The following RORA variants were observed in gnomAD, a reference collection of about 807,000 sequenced individuals.
RORA encodes RAR related orphan receptor A, also known as nuclear receptor ROR-alpha.
RORA carries 7 observed loss-of-function variants against 69.5 expected under a neutral mutation model. That is an observed-to-expected ratio of 0.10 (90% CI 0.06 to 0.19). RORA has a LOEUF of 0.19. Ranked by LOEUF, RORA falls within the 10% of genes least tolerant of loss-of-function variation. The pLI is 1.00. For missense variants in RORA, 457 were observed against 663.0 expected, an observed-to-expected ratio of 0.69 and a Z score of 3.41; for synonymous variants, 261 against 240.8, an observed-to-expected ratio of 1.08 and a Z score of -0.78.
intron 1 of RORA, among the ~76,000 whole-genome samples, chr15:60,752,572 G>A (rs770691031): frequency 4.1e-4 from 63 of 152,100 alleles, no homozygotes; most frequent in Non-Finnish European, 8.1e-4. Flanking sequence ...ATTTGCCGCC[G>A]AGAACAACAG....
intron 2 of RORA, among the ~76,000 whole-genome samples, chr15:60,641,653 C>T (rs7163833): frequency 0.059 from 8,976 of 152,082 alleles, 652 homozygotes; most frequent in African/African-American, 0.17. Context: ...TCAGGTGATC[C>T]GCCCGCCTCA....
intron 1 of RORA, among the ~76,000 whole-genome samples, chr15:60,850,996 A>G (rs1199561354): frequency 6.6e-6 from 1 of 152,152 alleles, no homozygotes; most frequent in Non-Finnish European, 1.5e-5. Context: ...ACCGGAGCAC[A>G]TTTCATTCAG....
intron 1 of RORA, among the ~76,000 whole-genome samples, chr15:61,035,106 G>T (rs1220192505): frequency 6.6e-6 from 1 of 152,090 alleles, no homozygotes; most frequent in African/African-American, 2.4e-5. Context: ...AATTGGGAAT[G>T]GTTTTGTTCT....
chr15:60,800,120 G>A (rs538011162), intron 1 of RORA, among the ~76,000 whole-genome samples: 18 of 152,292 alleles, frequency 1.2e-4, no homozygotes, highest in Non-Finnish European at 1.6e-4. Flanking sequence ...TACGGTGAGA[G>A]TATTTACACC....
At chr15:60,500,672 ATT>A (rs2065303681) in intron 9 of RORA, among the ~76,000 whole-genome samples, 1 of 152,138 alleles carries the variant, frequency 6.6e-6, no homozygotes, top group Non-Finnish European at 1.5e-5. Flanking sequence ...CCACCACAGC[ATT>A]TCTCTTGGTA....
At chr15:61,207,867 G>A (rs372045522) in intron 1 of RORA, among the ~76,000 whole-genome samples, 1 of 152,152 alleles carries the variant, frequency 6.6e-6, no homozygotes, top group Admixed American at 6.5e-5. Context: ...GTTCCCTAAC[G>A]CAGAAACCTT....
intron 1 of RORA, among the ~76,000 whole-genome samples, chr15:60,703,013 G>T (rs2071006474): frequency 6.6e-6 from 1 of 152,046 alleles, no homozygotes; most frequent in Admixed American, 6.6e-5. Context: ...TTTCAACAAA[G>T]AATTAATTGC....
intron 6 of RORA, 84 bp downstream of exon 6, chr15:60,505,424 T>C: frequency 7.6e-7 from 1 of 1,308,490 alleles, no homozygotes; most frequent in Non-Finnish European, 1.1e-6. Flanking sequence ...CTTTAGTCTG[T>C]GTGAACTCTT....
intron 1 of RORA, among the ~76,000 whole-genome samples, chr15:60,830,007 C>T (rs2073021113): frequency 6.6e-6 from 1 of 152,094 alleles, no homozygotes; most frequent in Non-Finnish European, 1.5e-5. Context: ...AATAAATGAA[C>T]AAACAACTTT....
intron 1 of RORA, among the ~76,000 whole-genome samples, chr15:60,937,547 T>G (rs1892561712): frequency 6.6e-6 from 1 of 152,188 alleles, no homozygotes; most frequent in Non-Finnish European, 1.5e-5. Context: ...TCATATGCAC[T>G]GGGGGCAGAA....
chr15:61,023,739 T>C (rs1157617409), intron 1 of RORA, among the ~76,000 whole-genome samples: 1 of 152,206 alleles, frequency 6.6e-6, no homozygotes, highest in Non-Finnish European at 1.5e-5. Context: ...GAGTGGACAC[T>C]GAAACAAATG....
intron 1 of RORA, among the ~76,000 whole-genome samples, chr15:60,856,490 CTT>C (rs34150883): frequency 0.013 from 1,936 of 148,736 alleles, 14 homozygotes; most frequent in Non-Finnish European, 0.016. Context: ...AATCACTGAC[CTT>C]TTTTTTTTTT....
chr15:60,597,569 T>TACAC (rs2068705774), intron 2 of RORA, among the ~76,000 whole-genome samples: 1 of 33,758 alleles, frequency 3.0e-5, no homozygotes, highest in Non-Finnish European at 4.9e-5. Flanking sequence ...TATATATATA[T>TACAC]ATATACACAT....
intron 2 of RORA, among the ~76,000 whole-genome samples, chr15:60,659,620 C>T (rs1432776451): frequency 6.6e-6 from 1 of 152,134 alleles, no homozygotes; most frequent in East Asian, 1.9e-4. Flanking sequence ...TCGTTGACTG[C>T]CTGAACTTGA....
At chr15:61,130,948 C>T (rs183554590) in intron 1 of RORA, among the ~76,000 whole-genome samples, 2 of 152,314 alleles carry the variant, frequency 1.3e-5, no homozygotes, top group East Asian at 3.9e-4. Context: ...GTTTTAAAAA[C>T]AATTCATCAA....
chr15:60,862,017 A>G (rs1038524232), intron 1 of RORA, among the ~76,000 whole-genome samples: 1 of 152,254 alleles, frequency 6.6e-6, no homozygotes, highest in African/African-American at 2.4e-5. Flanking sequence ...AGTTCAAATT[A>G]TATTCACTCT....
At chr15:61,178,514 C>T (rs2079652136) in intron 1 of RORA, among the ~76,000 whole-genome samples, 1 of 151,946 alleles carries the variant, frequency 6.6e-6, no homozygotes, top group Admixed American at 6.6e-5. Flanking sequence ...AGAATGCTCA[C>T]AGCCATTTCT....
chr15:60,996,802 C>G (rs920853373), intron 1 of RORA, among the ~76,000 whole-genome samples: 1 of 151,852 alleles, frequency 6.6e-6, no homozygotes, highest in East Asian at 1.9e-4. Flanking sequence ...CGCAGCTACT[C>G]GGGAGGCTGA....
intron 1 of RORA, among the ~76,000 whole-genome samples, chr15:60,815,491 G>C (rs1461998971): frequency 6.6e-6 from 1 of 152,106 alleles, no homozygotes; most frequent in African/African-American, 2.4e-5. Flanking sequence ...CACTGAACTT[G>C]AACAAAGTGG....
Sources: allele counts gnomAD v4.1 joint callset (sites outside exome capture counted in the v4.1 genomes callset), GRCh38; gene constraint gnomAD v4.1.1; transcripts MANE v1.5; gene names NCBI Gene and HGNC (gene_info 2026-07-23, HGNC 2026-07-21).